The following CD44 variants were observed in gnomAD, a reference collection of about 807,000 sequenced individuals.
CD44 encodes the protein CD44 molecule (IN blood group), also known as CD44 antigen.
A neutral mutation model predicts 88.8 loss-of-function variants in CD44; 49 were observed. The observed-to-expected ratio is 0.55, with a 90% CI of 0.44 to 0.70. The LOEUF is 0.70. Among genes scored for constraint, CD44 ranks in the 30% least tolerant of loss-of-function variants. CD44 has a pLI of 0.00. For missense variants in CD44, 883 were observed against 913.8 expected (o/e 0.97, Z 0.43); for synonymous variants, 325 against 312.3 (o/e 1.04, Z -0.43).
chr11:35,187,235 C>T (rs1431428794), intron 4 of CD44, among the ~76,000 whole-genome samples: 1 of 151,980 alleles, frequency 6.6e-6, no homozygotes, highest in African/African-American at 2.4e-5. Flanking sequence ...GATCGTGCCA[C>T]TGCACTCCAG....
At position 35,198,148 on chromosome 11, in the gene CD44, G is replaced by C; in HGVS notation, c.824G>C (p.Gly275Ala). Residue 275 changes from glycine (G) to alanine (A), a missense_variant, in exon 7 of 18, where the codon GGC (glycine) becomes GCC (alanine). Physicochemically the swap from Gly to Ala is moderately conservative, Grantham distance 60 (BLOSUM62 0). Coordinates refer to ENST00000428726, the MANE Select transcript of CD44 (RefSeq NM_000610.4). ...ACGTCTTCAAATACCATCTCAGCAG[G>C]CTGGGAGCCAAATGAAGAAAATGAA... ...AGTSSNTISA[G>A]WEPNEENEDE... 1 of 1,613,960 alleles carries C rather than the reference G, an allele frequency of 6.2e-7. No individual in the cohort carries two copies. The highest frequency in any genetic ancestry group is 1.1e-5 in the South Asian group (1 of 91,076).
At position 35,230,284 on chromosome 11, in the gene CD44, T is replaced by C. The variant is rs1030625676; in HGVS notation, c.*951T>C. 4 of 152,090 alleles carry C rather than the reference T, an allele frequency of 2.6e-5. No homozygotes were observed. Among genetic ancestry groups the C allele is most frequent in the African/African-American group, 9.7e-5 (4 of 41,410 alleles). The allele number at this position is 152,090 out of a possible 1,614,324, so 9.4% of individuals were successfully genotyped here. A position where few individuals can be genotyped will look rare whatever the true frequency, so the allele number is the denominator to read the frequency against. On this transcript the variant is annotated 3_prime_UTR_variant, in exon 18 of 18. Coordinates refer to ENST00000428726, the MANE Select transcript of CD44 (RefSeq NM_000610.4). The stretch of plus-strand genomic sequence containing the variant: ...CTGTCCTGGAATCAGAGTTGGAAGC[T>C]GAGGAGCTTCAGCCTCTTTTATGGT...
intron 2 of CD44, among the ~76,000 whole-genome samples, chr11:35,177,333 C>T (rs527773470): frequency 6.6e-6 from 1 of 152,202 alleles, no homozygotes; most frequent in Non-Finnish European, 1.5e-5. Context: ...ATAGAGCCTT[C>T]CTCAAACTAT....
intron 1 of CD44, among the ~76,000 whole-genome samples, chr11:35,166,204 T>C (rs1943241688): frequency 6.6e-6 from 1 of 152,086 alleles, no homozygotes; most frequent in Admixed American, 6.6e-5. Flanking sequence ...AAAACAAAGA[T>C]CGTGAGGCCA....
chr11:35,184,861 GGGGGCT>G (rs373195322), intron 3 of CD44, among the ~76,000 whole-genome samples: 22,659 of 152,192 alleles, frequency 0.15, 1,834 homozygotes, highest in Admixed American at 0.21. Context: ...GATGCATTTA[GGGGGCT>G]AACATCTTAG....
chr11:35,150,291 GA>G (rs1565008709), intron 1 of CD44, among the ~76,000 whole-genome samples: 1 of 151,932 alleles, frequency 6.6e-6, no homozygotes, highest in Non-Finnish European at 1.5e-5. Flanking sequence ...GAATCTAGGG[GA>G]AAAAAAGCTA....
At position 35,208,350 on chromosome 11, in the gene CD44, T is replaced by A. The variant is rs1334878172; in HGVS notation, c.1516+144T>A. 4.7e-6 allele frequency: 3 copies of A among 633,928 alleles called. No individual in the cohort carries two copies. In the Admixed American group the frequency reaches 7.4e-5, roughly 16 times the overall value. The allele number at this position is 633,928 out of a possible 1,614,324, so 39.3% of individuals were successfully genotyped here. Reference sequence around the variant, plus strand: ...CCAGAGTGTGAAACTGTCTTCATTGTCTGTATTTCTTGTGGAGGTCTCTCA... The same window carrying A: ...CCAGAGTGTGAAACTGTCTTCATTGACTGTATTTCTTGTGGAGGTCTCTCA... On this transcript the variant is annotated intron_variant, in intron 12 of 17. Transcript: ENST00000428726.
rs532926469 is a variant in CD44, at chr11:35,139,348, G to C, written c.45G>C (p.Val15=). 498 of 1,561,184 alleles carry C rather than the reference G, an allele frequency of 3.2e-4. 10 individuals carry two copies. In the South Asian group the frequency reaches 5.6e-3, roughly 18 times the overall value. The change falls in exon 1 of 18, where the codon GTG becomes GTC. Residue 15 remains valine, a synonymous_variant. Coordinates refer to ENST00000428726, the MANE Select transcript of CD44 (RefSeq NM_000610.4). ...WWHAAWGLCL[V]PLSLAQIDLN... ...ACGCAGCCTGGGGACTCTGCCTCGT[G>C]CCGCTGAGCCTGGCGCAGATCGGTG...
intron 1 of CD44, among the ~76,000 whole-genome samples, chr11:35,163,906 C>T (rs995501116): frequency 6.6e-6 from 1 of 152,136 alleles, no homozygotes; most frequent in Non-Finnish European, 1.5e-5. Context: ...CCTGCTGGTG[C>T]AAACTTGCAC....
At chr11:35,215,698 C>A (rs567389304) in intron 15 of CD44, among the ~76,000 whole-genome samples, 1 of 151,802 alleles carries the variant, frequency 6.6e-6, no homozygotes, top group Admixed American at 6.6e-5. Context: ...CCTGGCCAAC[C>A]CTGTCTCTAC....
At chr11:35,217,593 G>A (rs1948943018) in intron 15 of CD44, among the ~76,000 whole-genome samples, 2 of 152,168 alleles carry the variant, frequency 1.3e-5, no homozygotes, top group African/African-American at 2.4e-5. Context: ...TGTCTGGTAG[G>A]AACTGGTTTT....
At chr11:35,182,259 C>T (rs1945218499) in intron 3 of CD44, among the ~76,000 whole-genome samples, 1 of 151,892 alleles carries the variant, frequency 6.6e-6, no homozygotes, top group African/African-American at 2.4e-5. Flanking sequence ...CTTTAGTCTA[C>T]ACCACCTACC....
chr11:35,141,915 G>GA (rs1858051143), intron 1 of CD44, among the ~76,000 whole-genome samples: 1 of 151,828 alleles, frequency 6.6e-6, no homozygotes, highest in Non-Finnish European at 1.5e-5. Flanking sequence ...CCCATTCTGG[G>GA]GAGTGGTGGA....
intron 3 of CD44, among the ~76,000 whole-genome samples, chr11:35,183,563 A>G (rs1233621126): frequency 6.6e-6 from 1 of 152,146 alleles, no homozygotes; most frequent in African/African-American, 2.4e-5. Flanking sequence ...CCCCCATAAA[A>G]CGGCTACAGG....
intron 1 of CD44, among the ~76,000 whole-genome samples, chr11:35,144,974 C>T (rs992590045): frequency 2.9e-4 from 44 of 152,208 alleles, no homozygotes; most frequent in African/African-American, 1.0e-3. Context: ...AATTGCCCCA[C>T]TGGGTGACGT....
chr11:35,211,333 C>T lies in CD44; in HGVS notation c.1694C>T (p.Pro565Leu), dbSNP rs768831397. The T allele has an allele frequency of 6.8e-6, 11 of 1,613,750 alleles. No individual in the cohort carries two copies. Among genetic ancestry groups the T allele is most frequent in the Non-Finnish European group, 8.5e-6 (10 of 1,179,826 alleles). The stretch of plus-strand genomic sequence containing the variant: ...CTGGAAGGTTATACCTCTCATTACC[C>T]ACACACGAAGGAAAGCAGGACCTTC... ...TLLEGYTSHY[P>L]HTKESRTFIP... Residue 565 changes from proline (P) to leucine (L), a missense_variant, in exon 14 of 18, where the codon CCA (proline) becomes CTA (leucine). Physicochemically the swap from Pro to Leu is moderately conservative, Grantham distance 98. This residue lies in a region of CD44 where 631 missense variants were observed against 590.9 expected (regional missense o/e 1.07). Coordinates refer to ENST00000428726, the MANE Select transcript of CD44 (RefSeq NM_000610.4).
At chr11:35,160,333 T>G (rs1942437738) in intron 1 of CD44, among the ~76,000 whole-genome samples, 1 of 152,240 alleles carries the variant, frequency 6.6e-6, no homozygotes, top group Admixed American at 6.5e-5. Context: ...GGTTCTCATA[T>G]CTGCGTGCTG....
chr11:35,229,374 C>A lies in CD44; in HGVS notation c.*41C>A. On this transcript the variant is annotated 3_prime_UTR_variant, in exon 18 of 18. Coordinates refer to ENST00000428726, the MANE Select transcript of CD44 (RefSeq NM_000610.4). ...CTTGGAAAGAAACAACCGTTGGAAA[C>A]ATAACCATTACAGGGAGCTGGGACA... 7.5e-7 allele frequency: 1 copy of A among 1,324,568 alleles called. No homozygotes were observed. Among genetic ancestry groups the A allele is most frequent in the Non-Finnish European group, 1.1e-6 (1 of 921,890 alleles). 82.1% of individuals were successfully genotyped at this position (1,324,568 alleles called of 1,614,324 possible).
At chr11:35,190,622 G>T (rs190120901) in intron 5 of CD44, among the ~76,000 whole-genome samples, 2 of 152,322 alleles carry the variant, frequency 1.3e-5, no homozygotes, top group East Asian at 3.9e-4. Context: ...GGAACAGTAG[G>T]CATACGTGGG....
Sources: allele counts gnomAD v4.1 joint callset (sites outside exome capture counted in the v4.1 genomes callset), GRCh38; gene constraint gnomAD v4.1.1; regional missense constraint gnomAD v4.1.1; transcripts MANE v1.5; gene names NCBI Gene and HGNC (gene_info 2026-07-23, HGNC 2026-07-21).